Variants in NAALADL2 observed in about 807,000 individuals in gnomAD.
NAALADL2 encodes inactive N-acetylated-alpha-linked acidic dipeptidase-like protein 2.
In NAALADL2, 76 loss-of-function variants were observed where a neutral mutation model predicts 87.2. The observed-to-expected ratio is 0.87, with a 90% CI of 0.72 to 1.05. The LOEUF is 1.05. Among genes scored for constraint, NAALADL2 ranks in the 50% least tolerant of loss-of-function variants. The pLI is 0.00. For missense variants in NAALADL2, 1,089 were observed against 945.8 expected (o/e 1.15, Z -1.99); for synonymous variants, 354 against 331.0 (o/e 1.07, Z -0.75).
At chr3:174,810,395 G>A (rs1720037915) in intron 3 of NAALADL2, among the ~76,000 whole-genome samples, 1 of 152,090 alleles carries the variant, frequency 6.6e-6, no homozygotes, top group Admixed American at 6.6e-5. Context: ...AGATGGAAAT[G>A]AGGAACTTAC....
At chr3:175,056,983 C>T (rs1373103056) in intron 1 of NAALADL2, among the ~76,000 whole-genome samples, 1 of 152,140 alleles carries the variant, frequency 6.6e-6, no homozygotes, top group Non-Finnish European at 1.5e-5. Flanking sequence ...GTTTTGGGGC[C>T]AGTTTATGGC....
chr3:175,639,561 C>G (rs966841731), intron 11 of NAALADL2, among the ~76,000 whole-genome samples: 18 of 151,940 alleles, frequency 1.2e-4, no homozygotes, highest in African/African-American at 4.4e-4. Flanking sequence ...ACCTCGTGAT[C>G]CGCCCACCTC....
intron 1 of NAALADL2, among the ~76,000 whole-genome samples, chr3:174,940,317 G>A (rs1425925043): frequency 1.3e-5 from 2 of 152,100 alleles, no homozygotes; most frequent in Admixed American, 6.5e-5. Flanking sequence ...CACATTTATT[G>A]ATGTACATAT....
At chr3:175,560,267 T>C (rs1269803835) in intron 9 of NAALADL2, among the ~76,000 whole-genome samples, 1 of 152,172 alleles carries the variant, frequency 6.6e-6, no homozygotes, top group Non-Finnish European at 1.5e-5. Context: ...TCTGTAGTAT[T>C]AGTTATAATG....
At chr3:174,836,823 A>G (rs532202097) in intron 3 of NAALADL2, among the ~76,000 whole-genome samples, 3 of 152,220 alleles carry the variant, frequency 2.0e-5, no homozygotes, top group South Asian at 2.1e-4. Context: ...TAGTAGTTCA[A>G]TCCTTACCAC....
At chr3:175,561,032 C>G (rs1235988397) in intron 9 of NAALADL2, among the ~76,000 whole-genome samples, 1 of 152,164 alleles carries the variant, frequency 6.6e-6, no homozygotes, top group Non-Finnish European at 1.5e-5. Context: ...CTCCCAACTA[C>G]TGTCTTATCT....
chr3:175,536,505 A>G (rs975848328), intron 9 of NAALADL2, among the ~76,000 whole-genome samples: 14 of 152,150 alleles, frequency 9.2e-5, no homozygotes, highest in Non-Finnish European at 1.5e-5. Flanking sequence ...TGATAGTAAC[A>G]ATTTATCATG....
chr3:175,807,732 T>A lies in NAALADL2; in HGVS notation c.*4529T>A, dbSNP rs941838829. 1.3e-5 allele frequency: 2 copies of A among 151,926 alleles called. No homozygotes were observed. Among genetic ancestry groups the A allele is most frequent in the Non-Finnish European group, 2.9e-5 (2 of 67,892 alleles). 9.4% of individuals were successfully genotyped at this position (151,926 alleles called of 1,614,324 possible). Reference sequence around the variant, plus strand: ...ACAATATTTGAGAAAATATATATATTCTGCCCAGCCACACTGGTGAGTTTT... The same window carrying A: ...ACAATATTTGAGAAAATATATATATACTGCCCAGCCACACTGGTGAGTTTT... On this transcript the variant is annotated 3_prime_UTR_variant, in exon 14 of 14. Coordinates refer to ENST00000454872, the MANE Select transcript of NAALADL2 (RefSeq NM_207015.3).
chr3:174,819,016 C>G (rs1327597281), intron 3 of NAALADL2, among the ~76,000 whole-genome samples: 2 of 136,174 alleles, frequency 1.5e-5, no homozygotes, highest in Non-Finnish European at 3.2e-5. Context: ...AAATAATTCA[C>G]TTTGATATAA....
Position 175,256,513 on chromosome 3 carries a change from T to A in NAALADL2, c.922T>A (p.Leu308Met), listed in dbSNP as rs779621374. The change falls in exon 4 of 14, where the codon TTG (leucine) becomes ATG (methionine). Residue 308 changes from leucine (L) to methionine (M), a missense_variant. Transcript: ENST00000454872. ...GATCGCACTCCTGAAATTAGGAAAA[T>A]TGCCACTGCTTTATAAGGTTGGTCC... ...NQIALLKLGKLPLLYKLSSLE... is the reference protein window; with the variant it reads ...NQIALLKLGKMPLLYKLSSLE... 1.9e-6 allele frequency: 3 copies of A among 1,612,050 alleles called. No homozygotes were observed. Among genetic ancestry groups the A allele is most frequent in the African/African-American group, 1.3e-5 (1 of 74,772 alleles).
intron 11 of NAALADL2, among the ~76,000 whole-genome samples, chr3:175,719,811 C>T (rs1741967532): frequency 6.6e-6 from 1 of 152,158 alleles, no homozygotes; most frequent in African/African-American, 2.4e-5. Flanking sequence ...GGTATGGAGG[C>T]TGGGAAGTTC....
chr3:175,575,838 A>C (rs904267150), intron 9 of NAALADL2, among the ~76,000 whole-genome samples: 7 of 152,162 alleles, frequency 4.6e-5, no homozygotes, highest in Non-Finnish European at 7.3e-5. Flanking sequence ...GAGCGTCAGA[A>C]TCAAAGAGGA....
At chr3:175,302,192 C>T (rs991989644) in intron 4 of NAALADL2, among the ~76,000 whole-genome samples, 1 of 152,084 alleles carries the variant, frequency 6.6e-6, no homozygotes, top group Non-Finnish European at 1.5e-5. Flanking sequence ...ATCTTCAAAG[C>T]ATTATAGTTT....
At position 174,790,665 on chromosome 3, in the gene NAALADL2, G is replaced by T. The variant is rs188976017; in HGVS notation, c.-9+52919G>T. 4.3e-3 allele frequency among the ~76,000 whole-genome samples: 654 copies of T among 151,266 alleles called. 6 individuals are homozygous for T. The highest frequency in any genetic ancestry group is 0.015 in the African/African-American group (626 of 41,230). On this transcript the variant is annotated intron_variant, in intron 3 of 3. Coordinates refer to the NAALADL2 transcript ENST00000434257. ...CTCCATCTCAAAAAAAAAAAAATGT[G>T]CGTAAGTAAGAAAAAATCATTTTGT...
chr3:175,322,313 C>T (rs1182127634), intron 4 of NAALADL2, among the ~76,000 whole-genome samples: 1 of 136,578 alleles, frequency 7.3e-6, no homozygotes, highest in Non-Finnish European at 1.5e-5. Flanking sequence ...GGATCCCTTC[C>T]TTACACCTTA....
chr3:175,335,515 C>A (rs1761885724), intron 5 of NAALADL2, among the ~76,000 whole-genome samples: 1 of 152,190 alleles, frequency 6.6e-6, no homozygotes, highest in African/African-American at 2.4e-5. Context: ...TTCATGAATT[C>A]TTTTATGGTT....
chr3:174,815,972 A>T (rs1246500063), intron 3 of NAALADL2, among the ~76,000 whole-genome samples: 6 of 151,644 alleles, frequency 4.0e-5, no homozygotes, highest in Non-Finnish European at 7.4e-5. Context: ...ACTTAGAGAT[A>T]GGAATTCAAG....
intron 8 of NAALADL2, among the ~76,000 whole-genome samples, chr3:175,467,668 C>T (rs1164455261): frequency 6.6e-6 from 1 of 152,040 alleles, no homozygotes; most frequent in Non-Finnish European, 1.5e-5. Flanking sequence ...CCTCCTTTTA[C>T]CACTCCACTC....
At chr3:174,718,831 T>C (rs760560533) in intron 2 of NAALADL2, among the ~76,000 whole-genome samples, 4 of 152,166 alleles carry the variant, frequency 2.6e-5, no homozygotes, top group Non-Finnish European at 5.9e-5. Flanking sequence ...GATATTCTTT[T>C]AGGCAATAGT....
Sources: allele counts gnomAD v4.1 joint callset (sites outside exome capture counted in the v4.1 genomes callset), GRCh38; gene constraint gnomAD v4.1.1; transcripts MANE v1.5; gene names NCBI Gene and HGNC (gene_info 2026-07-23, HGNC 2026-07-21).